TOR1AIP1: variants seen among roughly 807,000 people sequenced by gnomAD.
TOR1AIP1 encodes torsin-1A-interacting protein 1.
Under a neutral mutation model 63.3 loss-of-function variants are expected in TOR1AIP1, and 54 were observed. That is an observed-to-expected ratio of 0.85 (90% CI 0.69 to 1.07). The LOEUF (loss-of-function observed/expected upper bound fraction) is 1.07. TOR1AIP1 is among the 50% of genes least tolerant of loss of function. The pLI is 0.00. For synonymous variants in TOR1AIP1, 294 were observed against 273.5 expected (o/e 1.07, Z -0.74); for missense variants, 736 against 715.0 (o/e 1.03, Z -0.33).
intron 6 of TOR1AIP1, among the ~76,000 whole-genome samples, chr1:179,905,255 G>A (rs554654806): frequency 1.1e-3 from 173 of 152,082 alleles, no homozygotes; most frequent in African/African-American, 4.1e-3. Context: ...CGTGCCTGTA[G>A]TCCCAGCTAC....
intron 1 of TOR1AIP1, 36 bp downstream of exon 1, chr1:179,883,013 C>A (rs752701213): frequency 1.3e-6 from 2 of 1,575,770 alleles, no homozygotes; most frequent in Admixed American, 3.7e-5. Context: ...CAGCCGCGAG[C>A]CAGGGAACGC....
rs766319831 is a variant in TOR1AIP1, at chr1:179,900,113, T to C, written c.611-13T>C. ...TATATGTTTAATATTTGATGTATGC[T>C]TTTTTCTTCTAGAAGCCACCAGTGT... is the stretch of plus-strand genomic sequence containing the variant. On this transcript the variant is annotated splice_polypyrimidine_tract_variant and intron_variant, in intron 3 of 9. Coordinates refer to ENST00000606911, the MANE Select transcript of TOR1AIP1 (RefSeq NM_015602.4). 1 of 1,600,778 alleles carries C rather than the reference T, an allele frequency of 6.2e-7. No individual in the cohort carries two copies. The highest frequency in any genetic ancestry group is 8.5e-7 in the Non-Finnish European group (1 of 1,171,380).
At chr1:179,903,181 A>G (rs1241424673) in intron 5 of TOR1AIP1, among the ~76,000 whole-genome samples, 1 of 152,126 alleles carries the variant, frequency 6.6e-6, no homozygotes, top group African/African-American at 2.4e-5. Flanking sequence ...CTATAGTCCC[A>G]GATACTGAGG....
intron 6 of TOR1AIP1, among the ~76,000 whole-genome samples, chr1:179,906,260 T>G (rs1051574760): frequency 6.6e-6 from 1 of 152,216 alleles, no homozygotes; most frequent in Non-Finnish European, 1.5e-5. Context: ...CTGTCTTATT[T>G]ACCATAATAT....
At chr1:179,896,479 G>GT (rs59861766) in intron 3 of TOR1AIP1, among the ~76,000 whole-genome samples, 1 of 148,448 alleles carries the variant, frequency 6.7e-6, no homozygotes, top group African/African-American at 2.5e-5. Flanking sequence ...AGCCATTCAG[G>GT]TTTTTTTTTT....
At chr1:179,900,042 T>C in intron 3 of TOR1AIP1, 84 bp from the exon 4 acceptor site, 1 of 1,074,912 alleles carries the variant, frequency 9.3e-7, no homozygotes, top group Non-Finnish European at 1.4e-6. Context: ...AAGCTTTAAC[T>C]TTTTTCCTAA....
rs763660412 is a variant in TOR1AIP1 at position 179,882,509 on chromosome 1, G to A, written c.7G>A (p.Gly3Ser). Residue 3 changes from glycine to serine, a missense_variant, in exon 1 of 10, where the codon GGC (glycine) becomes AGC (serine). This residue lies in a region of TOR1AIP1 where 464 missense variants were observed against 371.0 expected (regional missense o/e 1.25). Transcript: ENST00000606911. ...TAAAGCTACGTCAACAACTATGGCG[G>A]GCGACGGGCGGCGGGCAGAGGCGGT... MA[G>S]DGRRAEAVRE... is the part of the protein sequence containing the mutation. 1.4e-6 allele frequency: 2 copies of A among 1,455,062 alleles called. No homozygotes were observed. The highest frequency in any genetic ancestry group is 5.7e-5 in the Admixed American group (2 of 34,832). 90.1% of individuals were successfully genotyped at this position (1,455,062 alleles called of 1,614,324 possible). A position where few individuals can be genotyped will look rare whatever the true frequency, so the allele number is the denominator to read the frequency against.
intron 2 of TOR1AIP1, among the ~76,000 whole-genome samples, 179 bp downstream of exon 2, chr1:179,884,948 A>G (rs1046173209): frequency 6.6e-6 from 1 of 152,212 alleles, no homozygotes; most frequent in African/African-American, 2.4e-5. Context: ...TAGAAGAGAA[A>G]ACTGAAACAC....
intron 2 of TOR1AIP1, among the ~76,000 whole-genome samples, chr1:179,885,362 T>C (rs1284769650): frequency 6.6e-6 from 1 of 152,198 alleles, no homozygotes; most frequent in African/African-American, 2.4e-5. Context: ...ATTTCAAAGA[T>C]GTTAAAGTGT....
In TOR1AIP1 at chr1:179,882,956, C is replaced by T. The variant is rs771916953; in HGVS notation, c.454C>T (p.Arg152Trp). 3.7e-6 allele frequency: 6 copies of T among 1,612,864 alleles called. No homozygotes were observed. In the East Asian group the frequency reaches 1.1e-4, roughly 30 times the overall value. ...PSPVMTRRGLRDSHSSEEDEA... is the reference protein window; with the variant it reads ...PSPVMTRRGLWDSHSSEEDEA... ...TCCTGTTATGACCAGGAGAGGGCTGCGGGACTCTCATTCCTCTGAAGGTGA... is the reference window on the plus strand; with the variant it reads ...TCCTGTTATGACCAGGAGAGGGCTGTGGGACTCTCATTCCTCTGAAGGTGA... Residue 152 changes from arginine to tryptophan, a missense_variant, in exon 1 of 10, where the codon CGG (arginine) becomes TGG (tryptophan). Transcript: ENST00000606911.
At chr1:179,910,662 G>A (rs569522950) in intron 8 of TOR1AIP1, among the ~76,000 whole-genome samples, 1 of 152,210 alleles carries the variant, frequency 6.6e-6, no homozygotes, top group Non-Finnish European at 1.5e-5. Context: ...TTATAACCAG[G>A]ATCAAACATT....
At chr1:179,892,477 C>CA (rs910107694) in intron 3 of TOR1AIP1, among the ~76,000 whole-genome samples, 58 of 138,152 alleles carry the variant, frequency 4.2e-4, no homozygotes, top group East Asian at 1.7e-3. Flanking sequence ...CTGTCTCAAA[C>CA]AAAAAAAAAA....
intron 3 of TOR1AIP1, 122 bp from the exon 4 acceptor site, chr1:179,900,004 T>C (rs1648399442): frequency 4.4e-6 from 3 of 679,648 alleles, no homozygotes; most frequent in Non-Finnish European, 7.5e-6. Context: ...TTCATTTTCC[T>C]AAACGAGATG....
Position 179,884,693 on chromosome 1 carries a change from G to T in TOR1AIP1, c.477G>T (p.Glu159Asp). The change falls in exon 2 of 10, where the codon GAG becomes GAT. Residue 159 changes from glutamate to aspartate, a missense_variant and splice_region_variant. Transcript: ENST00000606911. ...ACTCTTGTTATGTCTGTTTTTTAGA[G>T]GATGAAGCATCTTCCCAAACTGATT... ...RGLRDSHSSE[E>D]DEASSQTDLS... The T allele has an allele frequency of 6.2e-7, 1 of 1,606,022 alleles. No homozygotes were observed. Among genetic ancestry groups the T allele is most frequent in the Non-Finnish European group, 8.5e-7 (1 of 1,176,948 alleles).
At chr1:179,907,985 T>C (rs1648707048) in intron 7 of TOR1AIP1, 121 bp downstream of exon 7, 1 of 614,644 alleles carries the variant, frequency 1.6e-6, no homozygotes, top group Non-Finnish European at 2.5e-6. Context: ...CTGGGCTCAT[T>C]GCAAGCTCCA....
Position 179,918,929 on chromosome 1 carries a change from TCC to T in TOR1AIP1, c.*691_*692del, listed in dbSNP as rs1649106755. Reference sequence around the variant, plus strand: ...GGATTTGTTTTTTACATCTCCTTTTTCCTTCCTTGAAGAAAAATTCTTGGCTG... The same window carrying T: ...GGATTTGTTTTTTACATCTCCTTTTTTTCCTTGAAGAAAAATTCTTGGCTG... On this transcript the variant is annotated 3_prime_UTR_variant, in exon 10 of 10. Transcript: ENST00000606911. 1 of 152,240 alleles carries T rather than the reference TCC, an allele frequency of 6.6e-6. No individual in the cohort carries two copies. The highest frequency in any genetic ancestry group is 2.4e-5 in the African/African-American group (1 of 41,456). The allele number at this position is 152,240 out of a possible 1,614,324, so 9.4% of individuals were successfully genotyped here.
At chr1:179,886,294 G>T (rs894531772) in intron 2 of TOR1AIP1, among the ~76,000 whole-genome samples, 1 of 152,066 alleles carries the variant, frequency 6.6e-6, no homozygotes, top group Non-Finnish European at 1.5e-5. Flanking sequence ...GCTAGCCTCC[G>T]GACCATTATA....
chr1:179,912,078 G>T (rs1395462975), intron 8 of TOR1AIP1, among the ~76,000 whole-genome samples: 1 of 141,734 alleles, frequency 7.1e-6, no homozygotes, highest in African/African-American at 2.6e-5. Flanking sequence ...AGGCTGGAGT[G>T]CAGTGGCGTG....
intron 3 of TOR1AIP1, among the ~76,000 whole-genome samples, chr1:179,892,737 CAA>C (rs71118413): frequency 0.16 from 17,844 of 111,078 alleles, 1,012 homozygotes; most frequent in Middle Eastern, 0.23. Flanking sequence ...GACTCCGTCT[CAA>C]AAAAAAAAAA....
Sources: gnomAD v4.1 joint callset for allele counts (sites outside exome capture counted in the v4.1 genomes callset) on GRCh38, gnomAD v4.1.1 for gene constraint, gnomAD v4.1.1 regional missense constraint, MANE v1.5 for transcripts, NCBI Gene and HGNC (gene_info 2026-07-23, HGNC 2026-07-21) for gene names.